Variants in DMD observed in about 807,000 individuals in gnomAD.
The protein encoded by DMD is dystrophin.
In DMD, 63 loss-of-function variants were observed where a neutral mutation model predicts 330.1. The observed-to-expected ratio is 0.19, with a 90% CI of 0.16 to 0.24. DMD has a LOEUF of 0.24. Ranked by LOEUF, DMD falls within the 10% of genes least tolerant of loss-of-function variation. The probability of loss-of-function intolerance (pLI) is 1.00; values close to 1 mark genes in which losing one functional copy is unlikely to be tolerated. For missense variants in DMD, 3,344 were observed against 2,684.1 expected, an observed-to-expected ratio of 1.25 and a Z score of -5.43; for synonymous variants, 1,223 against 959.8, an observed-to-expected ratio of 1.27 and a Z score of -5.07.
At chrX:33,214,827 A>AT (rs934696953), upstream of DMD, among the ~76,000 whole-genome samples, 2 of 110,650 alleles carry the variant, frequency 1.8e-5, no homozygotes, top group African/African-American at 6.6e-5. Context: ...CTAATTTAAT[A>AT]TTTTTTTTAG....
At chrX:32,574,379 A>G (rs2052774694) in intron 13 of DMD, among the ~76,000 whole-genome samples, 1 of 111,887 alleles carries the variant, frequency 8.9e-6, no homozygotes, top group African/African-American at 3.2e-5. Context: ...AAGTATTAAA[A>G]TTTTCTGTTT....
intron 1 of DMD, among the ~76,000 whole-genome samples, chrX:33,135,176 A>G (rs2095519563): frequency 9.0e-6 from 1 of 111,652 alleles, no homozygotes; most frequent in Non-Finnish European, 1.9e-5. Flanking sequence ...GCACTATTCT[A>G]CAGGTTTCTC....
intron 41 of DMD, among the ~76,000 whole-genome samples, chrX:32,333,114 A>G (rs1240722286): frequency 8.9e-6 from 1 of 111,770 alleles, no homozygotes; most frequent in Non-Finnish European, 1.9e-5. Context: ...ATTGATGTCC[A>G]GCATTTTTCT....
At chrX:32,947,337 A>C (rs1045398155) in intron 2 of DMD, among the ~76,000 whole-genome samples, 2 of 112,357 alleles carry the variant, frequency 1.8e-5, no homozygotes, top group African/African-American at 6.4e-5. Context: ...GTGAAGTTGT[A>C]TTAATTCTTT....
At position 33,339,139 on chromosome X, in the gene DMD, A is replaced by C. The variant is rs373662613; in HGVS notation, c.7+120T>G. On this transcript the variant is annotated intron_variant, in intron 1 of 17. Coordinates refer to the DMD transcript ENST00000288447. ...ATTCTGTAAAAGCAACACTGTTTGC[A>C]GAGTTTGAAGAGCTCGGCAACAAAC... is the stretch of plus-strand genomic sequence containing the variant. The C allele has an allele frequency of 5.0e-5, 39 of 783,495 alleles. No homozygotes were observed. In the East Asian group the frequency reaches 1.6e-3, roughly 32 times the overall value. The allele number at this position is 783,495 out of a possible 1,213,427, so 64.6% of individuals were successfully genotyped here.
At chrX:32,367,507 A>T (rs2097858584) in intron 34 of DMD, among the ~76,000 whole-genome samples, 1 of 112,649 alleles carries the variant, frequency 8.9e-6, no homozygotes, top group Non-Finnish European at 1.9e-5. Flanking sequence ...TTTTAGCATC[A>T]ATGTAAAAAG....
At chrX:33,209,089 C>A (rs1258864057) in intron 1 of DMD, among the ~76,000 whole-genome samples, 79 of 111,310 alleles carry the variant, frequency 7.1e-4, no homozygotes, top group Middle Eastern at 4.7e-3. Flanking sequence ...ATTTGCAATT[C>A]AGTACTGTCT....
chrX:31,951,876 T>C (rs1168648606), intron 45 of DMD, among the ~76,000 whole-genome samples: 3 of 111,836 alleles, frequency 2.7e-5, no homozygotes, highest in Non-Finnish European at 3.8e-5. Context: ...ATTTAGTTTT[T>C]TCTTGTAAGT....
chrX:33,324,646 T>G (rs1285344531), intron 1 of DMD, among the ~76,000 whole-genome samples: 1 of 111,364 alleles, frequency 9.0e-6, no homozygotes, highest in Non-Finnish European at 1.9e-5. Context: ...GGTTAAGCAG[T>G]GACATGGGTA....
intron 47 of DMD, among the ~76,000 whole-genome samples, chrX:31,888,176 T>C (rs186364500): frequency 1.5e-3 from 166 of 111,705 alleles, no homozygotes; most frequent in Middle Eastern, 4.7e-3. Flanking sequence ...ATTCTTGATA[T>C]GTTTTCTGTT....
At chrX:32,955,541 A>C (rs765497636) in intron 2 of DMD, among the ~76,000 whole-genome samples, 1 of 111,766 alleles carries the variant, frequency 8.9e-6, no homozygotes, top group African/African-American at 3.2e-5. Flanking sequence ...ATTTAGTTTA[A>C]TTAGATGCCA....
intron 26 of DMD, among the ~76,000 whole-genome samples, chrX:32,452,398 G>GGGAAGGGAAA (rs2098335680): frequency 1.3e-4 from 1 of 7,744 alleles, no homozygotes; most frequent in Non-Finnish European, 2.7e-4. Flanking sequence ...GGAAAGGGAA[G>GGGAAGGGAAA]GGAAAGGAAA....
At chrX:32,625,683 G>A (rs1025164643) in intron 11 of DMD, among the ~76,000 whole-genome samples, 6 of 111,938 alleles carry the variant, frequency 5.4e-5, no homozygotes, top group African/African-American at 9.7e-5. Context: ...GTGCTTTATG[G>A]AAATACATTA....
intron 19 of DMD, among the ~76,000 whole-genome samples, chrX:32,500,407 C>T (rs758851987): frequency 9.0e-6 from 1 of 111,531 alleles, no homozygotes; most frequent in East Asian, 2.8e-4. Context: ...TGTAGTTTTA[C>T]TTACCAAAAA....
chrX:32,838,001 TGA>T (rs1297972745), intron 4 of DMD, among the ~76,000 whole-genome samples: 1 of 112,078 alleles, frequency 8.9e-6, no homozygotes, highest in Non-Finnish European at 1.9e-5. Flanking sequence ...GCTTTAGTGT[TGA>T]GATACAGAAA....
rs112996758 is a variant in DMD, at chrX:33,120,113, C to T, written c.31+91169G>A. 4.0e-3 allele frequency among the ~76,000 whole-genome samples: 446 copies of T among 112,229 alleles called. 2 individuals are homozygous for T. The highest frequency in any genetic ancestry group is 0.014 in the African/African-American group (423 of 30,907). On this transcript the variant is annotated intron_variant, in intron 1 of 78. Coordinates refer to ENST00000357033, the MANE Select transcript of DMD (RefSeq NM_004006.3). ...TGTTTAAGCATGTGAAACAATTTCTCGCTAACCTTCTGTGTTACTTTAGAT... is the reference window on the plus strand; with the variant it reads ...TGTTTAAGCATGTGAAACAATTTCTTGCTAACCTTCTGTGTTACTTTAGAT...
intron 12 of DMD, among the ~76,000 whole-genome samples, chrX:32,600,321 G>A (rs749865662): frequency 3.6e-5 from 4 of 111,346 alleles, no homozygotes; most frequent in Non-Finnish European, 5.7e-5. Context: ...TTTTTGATTT[G>A]ATGTTTAAAG....
chrX:31,624,036 T>C (rs1479220936), intron 55 of DMD, among the ~76,000 whole-genome samples: 1 of 111,722 alleles, frequency 9.0e-6, no homozygotes, highest in Non-Finnish European at 1.9e-5. Flanking sequence ...CTTTGAACCA[T>C]GAACAGCTTT....
chrX:32,473,281 T>C (rs1474281242), intron 21 of DMD, among the ~76,000 whole-genome samples: 2 of 110,833 alleles, frequency 1.8e-5, no homozygotes, highest in African/African-American at 6.6e-5. Context: ...AAATAGAAAA[T>C]TACTAAATCT....
Sources: gnomAD v4.1 joint callset for allele counts (sites outside exome capture counted in the v4.1 genomes callset) on GRCh38, gnomAD v4.1.1 for gene constraint, MANE v1.5 for transcripts, NCBI Gene and HGNC (gene_info 2026-07-23, HGNC 2026-07-21) for gene names.